Variants in SAMD5 observed in about 807,000 individuals in gnomAD.
SAMD5 encodes sterile alpha motif domain-containing protein 5.
Under a neutral mutation model 11.3 loss-of-function variants are expected in SAMD5, and 13 were observed. The ratio of observed to expected loss-of-function variants is 1.15; its 90% confidence interval spans 0.75 to 1.83. SAMD5 has a LOEUF of 1.83. SAMD5 is among the 40% of genes most tolerant of loss of function. SAMD5 has a pLI of 0.00. For synonymous variants in SAMD5, 129 were observed against 111.3 expected (o/e 1.16, Z -1.00); for missense variants, 255 against 239.1 (o/e 1.07, Z -0.44).
At chr6:147,951,335 A>T in the SAMD5 span, among the ~76,000 whole-genome samples, 2 of 151,462 alleles carry the variant, frequency 1.3e-5, no homozygotes, top group African/African-American at 2.4e-5. Flanking sequence ...GAGCCCACCA[A>T]CACGCCCGGC....
chr6:147,748,285 A>G, the SAMD5 span, among the ~76,000 whole-genome samples: 1 of 152,214 alleles, frequency 6.6e-6, no homozygotes, highest in East Asian at 1.9e-4. Flanking sequence ...TGGCACATTC[A>G]TCGTTCAGGA....
At chr6:147,586,589 C>T (rs1458729072) in intron 1 of SAMD5, among the ~76,000 whole-genome samples, 1 of 151,948 alleles carries the variant, frequency 6.6e-6, no homozygotes, top group Middle Eastern at 3.2e-3. Flanking sequence ...TAAATAAGTC[C>T]ATATTGTCTA....
chr6:147,632,625 G>C (rs1272597633), intron 1 of SAMD5, among the ~76,000 whole-genome samples: 1 of 152,162 alleles, frequency 6.6e-6, no homozygotes. Flanking sequence ...CAAGTTTTTT[G>C]GATAAAAAGG....
intron 1 of SAMD5, among the ~76,000 whole-genome samples, chr6:147,644,498 G>A (rs898881494): frequency 6.6e-6 from 1 of 152,100 alleles, no homozygotes; most frequent in Admixed American, 6.6e-5. Context: ...AATTTGTAAA[G>A]CTAATACTTT....
At chr6:147,695,758 G>A (rs1234890960) in intron 1 of SAMD5, among the ~76,000 whole-genome samples, 1 of 152,118 alleles carries the variant, frequency 6.6e-6, no homozygotes, top group East Asian at 1.9e-4. Flanking sequence ...GTAAGAGCCA[G>A]GTGAGAAATG....
At chr6:147,635,848 A>G (rs892219465) in intron 1 of SAMD5, among the ~76,000 whole-genome samples, 1 of 152,224 alleles carries the variant, frequency 6.6e-6, no homozygotes, top group African/African-American at 2.4e-5. Context: ...GCTGACTTTC[A>G]ACCTGAAGGT....
the SAMD5 span, among the ~76,000 whole-genome samples, chr6:147,915,470 T>G: frequency 6.6e-6 from 1 of 152,222 alleles, no homozygotes; most frequent in South Asian, 2.1e-4. Flanking sequence ...TATCTACTAG[T>G]TGTGTAACCT....
intron 1 of SAMD5, among the ~76,000 whole-genome samples, chr6:147,597,729 C>G (rs1329360442): frequency 6.6e-6 from 1 of 152,176 alleles, no homozygotes; most frequent in Non-Finnish European, 1.5e-5. Flanking sequence ...ATGTTGCAAC[C>G]AGTTTTTTCC....
chr6:147,568,165 G>T lies in SAMD5; in HGVS notation c.*3709G>T, dbSNP rs940497552. 6.1e-6 allele frequency: 6 copies of T among 985,164 alleles called. No homozygotes were observed. The highest frequency in any genetic ancestry group is 7.2e-6 in the Non-Finnish European group (6 of 829,910). 61.0% of individuals were successfully genotyped at this position (985,164 alleles called of 1,614,324 possible). ...GGCTGTTCCCCGATAGCATCTTCTG[G>T]GAAGAATCCAACCAAGATACAAAGC... is the stretch of plus-strand genomic sequence containing the variant. On this transcript the variant is annotated 3_prime_UTR_variant, in exon 2 of 2. Transcript: ENST00000367474.
At chr6:147,798,674 A>C in the SAMD5 span, among the ~76,000 whole-genome samples, 3 of 152,000 alleles carry the variant, frequency 2.0e-5, no homozygotes, top group East Asian at 5.8e-4. Flanking sequence ...GGGGTGTTAA[A>C]GTCTCCCATT....
chr6:147,678,435 C>T (rs1247482888), intron 1 of SAMD5, among the ~76,000 whole-genome samples: 1 of 152,182 alleles, frequency 6.6e-6, no homozygotes, highest in Non-Finnish European at 1.5e-5. Flanking sequence ...AAAGGGGTTG[C>T]ATTTTTTCAG....
intron 1 of SAMD5, among the ~76,000 whole-genome samples, chr6:147,614,215 T>C (rs2128449422): frequency 6.6e-6 from 1 of 151,914 alleles, no homozygotes; most frequent in Middle Eastern, 3.4e-3. Flanking sequence ...ACACCTGTAA[T>C]CCCAACATTT....
At chr6:147,908,197 C>T in the SAMD5 span, among the ~76,000 whole-genome samples, 1 of 152,210 alleles carries the variant, frequency 6.6e-6, no homozygotes, top group Admixed American at 6.5e-5. Context: ...CAGCAGGTGA[C>T]AGCTGAGTTT....
At chr6:147,856,988 A>G in the SAMD5 span, among the ~76,000 whole-genome samples, 3 of 151,874 alleles carry the variant, frequency 2.0e-5, no homozygotes, top group Admixed American at 2.0e-4. Context: ...CTGCAGGGTG[A>G]AGAGAAGTAG....
chr6:147,562,814 TCC>T (rs1226428370), intron 1 of SAMD5, among the ~76,000 whole-genome samples: 3 of 150,498 alleles, frequency 2.0e-5, no homozygotes, highest in Admixed American at 6.6e-5. Flanking sequence ...AGAGCGAGAC[TCC>T]GTCTCAAAAA....
intron 1 of SAMD5, among the ~76,000 whole-genome samples, chr6:147,651,600 G>C (rs1300134716): frequency 8.5e-5 from 13 of 152,138 alleles, no homozygotes; most frequent in Admixed American, 8.5e-4. Flanking sequence ...TGAGAAGGTG[G>C]CCATCTGCAG....
chr6:147,539,980 C>T (rs1447014951), intron 1 of SAMD5, among the ~76,000 whole-genome samples: 1 of 152,154 alleles, frequency 6.6e-6, no homozygotes, highest in African/African-American at 2.4e-5. Flanking sequence ...ATCAGTTTTA[C>T]TTTACTAATT....
At chr6:147,544,197 A>G (rs1439547366) in intron 1 of SAMD5, among the ~76,000 whole-genome samples, 1 of 152,232 alleles carries the variant, frequency 6.6e-6, no homozygotes, top group Non-Finnish European at 1.5e-5. Flanking sequence ...TGATGTTAAT[A>G]GTAAATAGTA....
intron 1 of SAMD5, among the ~76,000 whole-genome samples, chr6:147,620,608 T>C (rs1789944397): frequency 6.6e-6 from 1 of 152,148 alleles, no homozygotes; most frequent in Admixed American, 6.5e-5. Flanking sequence ...GAGAAAACAC[T>C]TCTAGAAGGA....
Sources: gnomAD v4.1 joint callset for allele counts (sites outside exome capture counted in the v4.1 genomes callset) on GRCh38, gnomAD v4.1.1 for gene constraint, MANE v1.5 for transcripts, NCBI Gene and HGNC (gene_info 2026-07-23, HGNC 2026-07-21) for gene names.